Variants in COL24A1 observed in about 807,000 individuals in gnomAD.
COL24A1 encodes the protein collagen type XXIV alpha 1 chain.
Under a neutral mutation model 253.9 loss-of-function variants are expected in COL24A1, and 224 were observed. The observed-to-expected ratio is 0.88, with a 90% confidence interval of 0.79 to 0.99. The LOEUF (loss-of-function observed/expected upper bound fraction) is 0.99, where lower values mean the gene tolerates loss of function less well. COL24A1 is among the 50% of genes least tolerant of loss of function. COL24A1 has a pLI of 0.00. For missense variants in COL24A1, 2,131 were observed against 2,068.5 expected (o/e 1.03, Z -0.59); for synonymous variants, 685 against 673.7 (o/e 1.02, Z -0.26).
At chr1:85,924,956 T>C (rs1687014292) in intron 24 of COL24A1, among the ~76,000 whole-genome samples, 1 of 152,222 alleles carries the variant, frequency 6.6e-6, no homozygotes. Flanking sequence ...CTTAAGCTGA[T>C]AAGCAACTTC....
intron 5 of COL24A1, among the ~76,000 whole-genome samples, chr1:86,093,440 G>A (rs912546038): frequency 6.6e-6 from 1 of 151,964 alleles, no homozygotes; most frequent in African/African-American, 2.4e-5. Context: ...GATAGTTGTA[G>A]GTGTGCAGTC....
Position 85,744,808 on chromosome 1 carries a change from T to C in COL24A1, c.4530A>G (p.Leu1510=), listed in dbSNP as rs763517820. 3.1e-6 allele frequency: 5 copies of C among 1,610,218 alleles called. No individual in the cohort carries two copies. In the East Asian group the frequency reaches 1.1e-4, roughly 36 times the overall value. ...TGAATATCTCTTCACTGTGGTCAAT[T>C]AAAGTCACTTCAGTATTCTGGTAGC... ...MESYQNTEVT[L]IDHSEEIFKT... The change falls in exon 57 of 60, where the codon TTA becomes TTG. Residue 1510 remains leucine (L), a synonymous_variant. Transcript: ENST00000370571.
At chr1:85,991,890 T>A (rs1387732644) in intron 19 of COL24A1, among the ~76,000 whole-genome samples, 1 of 149,704 alleles carries the variant, frequency 6.7e-6, no homozygotes, top group Non-Finnish European at 1.5e-5. Context: ...TTGGCTTGTA[T>A]TTATTTATTT....
intron 14 of COL24A1, among the ~76,000 whole-genome samples, chr1:86,024,764 A>C (rs1197179918): frequency 6.6e-6 from 1 of 152,128 alleles, no homozygotes; most frequent in Non-Finnish European, 1.5e-5. Context: ...AAAAATACAA[A>C]AATATCTCTG....
intron 53 of COL24A1, among the ~76,000 whole-genome samples, chr1:85,766,106 C>T (rs1667338349): frequency 6.6e-6 from 1 of 151,948 alleles, no homozygotes; most frequent in African/African-American, 2.4e-5. Context: ...TGGCTTATGC[C>T]TCTAATCCCA....
chr1:85,877,748 A>G (rs12725350), intron 32 of COL24A1, among the ~76,000 whole-genome samples: 29,511 of 152,190 alleles, frequency 0.19, 3,237 homozygotes, highest in Non-Finnish European at 0.24. Flanking sequence ...TCTTTAATGC[A>G]CTCATTCATT....
chr1:86,126,030 C>G lies in COL24A1; in HGVS notation c.306G>C (p.Leu102Phe). ...TPFVKILPVN[L>F]GQPFTILTGL... is the part of the protein sequence containing the mutation. Reference sequence around the variant, plus strand: ...CAGTTAATATTGTAAACGGCTGCCCCAAGTTGACTGGTAAAATTTTCACGA... The same window carrying G: ...CAGTTAATATTGTAAACGGCTGCCCGAAGTTGACTGGTAAAATTTTCACGA... The change falls in exon 3 of 60, where the codon TTG (leucine) becomes TTC (phenylalanine). Residue 102 changes from leucine (L) to phenylalanine (F), a missense_variant. Transcript: ENST00000370571. 1.2e-6 allele frequency: 2 copies of G among 1,613,568 alleles called. No homozygotes were observed. The highest frequency in any genetic ancestry group is 1.7e-6 in the Non-Finnish European group (2 of 1,179,778).
At chr1:85,748,658 G>C (rs901225069) in intron 55 of COL24A1, among the ~76,000 whole-genome samples, 1 of 145,094 alleles carries the variant, frequency 6.9e-6, no homozygotes, top group African/African-American at 2.5e-5. Context: ...GACAGTGGGC[G>C]CAGGCCAGTG....
At chr1:85,942,133 CTT>C (rs1174039457) in intron 24 of COL24A1, among the ~76,000 whole-genome samples, 1 of 152,178 alleles carries the variant, frequency 6.6e-6, no homozygotes, top group African/African-American at 2.4e-5. Flanking sequence ...TTTCTTCTCT[CTT>C]TAGGCAATAA....
intron 14 of COL24A1, among the ~76,000 whole-genome samples, chr1:86,026,247 A>T (rs1698012758): frequency 6.6e-6 from 1 of 152,238 alleles, no homozygotes; most frequent in Non-Finnish European, 1.5e-5. Context: ...CTACTTTGAA[A>T]GGTAGAAAGG....
chr1:86,070,344 C>T (rs1469810938), intron 7 of COL24A1, among the ~76,000 whole-genome samples: 2 of 151,920 alleles, frequency 1.3e-5, no homozygotes, highest in African/African-American at 2.4e-5. Context: ...GGAAAACAGC[C>T]TCAAAAGGGA....
At chr1:85,899,386 T>C (rs913847370) in intron 28 of COL24A1, among the ~76,000 whole-genome samples, 1 of 152,200 alleles carries the variant, frequency 6.6e-6, no homozygotes, top group Non-Finnish European at 1.5e-5. Flanking sequence ...ATTTCTTTGA[T>C]ATTTTATTAC....
At chr1:86,044,404 T>C (rs1340434067) in intron 12 of COL24A1, among the ~76,000 whole-genome samples, 7 of 152,152 alleles carry the variant, frequency 4.6e-5, no homozygotes, top group Non-Finnish European at 8.8e-5. Context: ...CAAATGATTT[T>C]ACAGTAAAAA....
At chr1:86,094,025 T>G (rs1205407964) in intron 5 of COL24A1, among the ~76,000 whole-genome samples, 2 of 152,094 alleles carry the variant, frequency 1.3e-5, no homozygotes, top group African/African-American at 4.8e-5. Context: ...AAAGAAATGC[T>G]TATACACTGT....
intron 57 of COL24A1, among the ~76,000 whole-genome samples, chr1:85,742,359 C>T (rs1245113564): frequency 1.3e-5 from 2 of 151,982 alleles, no homozygotes; most frequent in Non-Finnish European, 2.9e-5. Context: ...GTCTCAATCT[C>T]TTCACCTCAT....
At chr1:86,119,746 G>T (rs1456932027) in intron 3 of COL24A1, among the ~76,000 whole-genome samples, 4 of 152,090 alleles carry the variant, frequency 2.6e-5, no homozygotes, top group Admixed American at 2.0e-4. Flanking sequence ...AGATACAGTT[G>T]CCTTTATTTT....
chr1:86,153,910 G>T (rs955113620), intron 1 of COL24A1, among the ~76,000 whole-genome samples: 1 of 152,032 alleles, frequency 6.6e-6, no homozygotes, highest in East Asian at 1.9e-4. Flanking sequence ...ACAAATTCAC[G>T]TTAGGCAACC....
At chr1:85,860,856 C>T (rs774294607) in intron 37 of COL24A1, among the ~76,000 whole-genome samples, 15 of 152,236 alleles carry the variant, frequency 9.9e-5, no homozygotes, top group Non-Finnish European at 1.9e-4. Flanking sequence ...TACTCGTACA[C>T]CATTCCTTTT....
At chr1:86,116,259 C>T (rs1244624637) in intron 3 of COL24A1, among the ~76,000 whole-genome samples, 3 of 152,128 alleles carry the variant, frequency 2.0e-5, no homozygotes, top group Non-Finnish European at 4.4e-5. Context: ...AATATTCATT[C>T]ATTATTGCAG....
Sources: gnomAD v4.1 joint callset for allele counts (sites outside exome capture counted in the v4.1 genomes callset) on GRCh38, gnomAD v4.1.1 for gene constraint, MANE v1.5 for transcripts, NCBI Gene and HGNC (gene_info 2026-07-23, HGNC 2026-07-21) for gene names.